NVL: variants seen among roughly 807,000 people sequenced by gnomAD.
NVL encodes the protein nuclear valosin-containing protein-like.
In NVL, 84 loss-of-function variants were observed where a neutral mutation model predicts 110.2. The observed-to-expected ratio is 0.76, with a 90% CI of 0.64 to 0.91. NVL has a LOEUF of 0.91. NVL is among the 40% of genes least tolerant of loss of function. The pLI is 0.00. For missense variants in NVL, 882 were observed against 1,035.9 expected (o/e 0.85, Z 2.04); for synonymous variants, 354 against 361.1 (o/e 0.98, Z 0.22).
intron 18 of NVL, among the ~76,000 whole-genome samples, chr1:224,258,979 T>TAAAAAAAA (rs34767555): frequency 1.7e-5 from 1 of 60,210 alleles, no homozygotes; most frequent in Non-Finnish European, 3.2e-5. Context: ...GTCTCTACAT[T>TAAAAAAAA]AAAAAAAAAA....
At position 224,317,766 on chromosome 1, in the gene NVL, T is replaced by C. The variant is rs748317809; in HGVS notation, c.212A>G (p.Glu71Gly). Residue 71 changes from glutamate (E) to glycine (G), a missense_variant, in exon 4 of 23, where the codon GAA (glutamate) becomes GGA (glycine). Around this residue, in one of 4 missense-constraint regions of NVL, gnomAD observed 274 missense variants for 268.4 expected, o/e 1.02. Transcript: ENST00000281701. ...TTCTAATTCTGTTAAATTCTTAAGT[T>C]CCTTCTCACTACTAATTATGCTAAA... is the stretch of plus-strand genomic sequence containing the variant. ...KVFSIISSEK[E>G]LKNLTELEDE... The C allele has an allele frequency of 3.4e-5, 55 of 1,606,616 alleles. No individual in the cohort carries two copies. Among genetic ancestry groups the C allele is most frequent in the Non-Finnish European group, 4.1e-5 (48 of 1,173,666 alleles).
At chr1:224,315,771 G>A (rs1670003001) in intron 4 of NVL, among the ~76,000 whole-genome samples, 1 of 152,198 alleles carries the variant, frequency 6.6e-6, no homozygotes, top group Non-Finnish European at 1.5e-5. Context: ...CCTGGCTTTA[G>A]GCAACCATTG....
chr1:224,255,055 A>G (rs2102775729), intron 18 of NVL, among the ~76,000 whole-genome samples: 1 of 150,928 alleles, frequency 6.6e-6, no homozygotes, highest in East Asian at 2.0e-4. Flanking sequence ...TATTTTTGGT[A>G]GAGACGGGAT....
rs1668299433 is a variant in NVL, at chr1:224,300,559, C to G, written c.1062+3G>C. ...ACCTGGCATTAGTCATTAACTGACT[C>G]ACCACAGCTTGCTCAAATAGTTCTC... On this transcript the variant is annotated splice_donor_region_variant and intron_variant, in intron 10 of 22. Transcript: ENST00000281701. 6.2e-7 allele frequency: 1 copy of G among 1,610,850 alleles called. No homozygotes were observed. The highest frequency in any genetic ancestry group is 1.7e-5 in the Admixed American group (1 of 59,916).
At chr1:224,327,213 C>T (rs952734179) in intron 1 of NVL, among the ~76,000 whole-genome samples, 20 of 151,954 alleles carry the variant, frequency 1.3e-4, no homozygotes, top group East Asian at 3.9e-4. Context: ...GAGGCCAAGG[C>T]GGGAGGATTG....
intron 16 of NVL, among the ~76,000 whole-genome samples, chr1:224,276,290 C>G (rs1665750743): frequency 6.6e-6 from 1 of 152,100 alleles, no homozygotes; most frequent in Admixed American, 6.6e-5. Flanking sequence ...GACAGGAGTG[C>G]AGTGGAGCCA....
chr1:224,258,039 T>TAA (rs970181279), intron 18 of NVL, among the ~76,000 whole-genome samples: 1 of 152,120 alleles, frequency 6.6e-6, no homozygotes, highest in Non-Finnish European at 1.5e-5. Flanking sequence ...TTGCAAGCGG[T>TAA]AAAAGACAAA....
At chr1:224,228,356 A>G (rs761621120) in intron 22 of NVL, among the ~76,000 whole-genome samples, 7 of 151,964 alleles carry the variant, frequency 4.6e-5, no homozygotes, top group Non-Finnish European at 8.8e-5. Context: ...CCAGGCTGGA[A>G]TGCAGCGGTG....
At chr1:224,278,010 C>G (rs906671702) in intron 16 of NVL, among the ~76,000 whole-genome samples, 2 of 152,086 alleles carry the variant, frequency 1.3e-5, no homozygotes, top group Non-Finnish European at 2.9e-5. Flanking sequence ...TGTAACTGTT[C>G]TTTTACTTAA....
chr1:224,265,766 A>C (rs1439213331), intron 18 of NVL, among the ~76,000 whole-genome samples: 1 of 151,962 alleles, frequency 6.6e-6, no homozygotes, highest in Non-Finnish European at 1.5e-5. Context: ...ACAGGAGTGG[A>C]CTCTTGATAA....
chr1:224,267,708 T>G (rs1041694508), intron 18 of NVL, among the ~76,000 whole-genome samples: 53 of 144,258 alleles, frequency 3.7e-4, no homozygotes, highest in African/African-American at 1.3e-3. Flanking sequence ...AAAAAAAAAG[T>G]GTATGCTGCA....
chr1:224,305,917 T>G (rs1572018872), intron 6 of NVL, among the ~76,000 whole-genome samples: 1 of 152,258 alleles, frequency 6.6e-6, no homozygotes, highest in Admixed American at 6.5e-5. Flanking sequence ...GTTGGAATAA[T>G]CTGCCTTGTA....
intron 17 of NVL, among the ~76,000 whole-genome samples, chr1:224,269,386 G>A (rs902479710): frequency 6.6e-6 from 1 of 152,052 alleles, no homozygotes; most frequent in Non-Finnish European, 1.5e-5. Context: ...GCACCTGGAC[G>A]ACACTAATGT....
chr1:224,328,983 G>A (rs572866200), intron 1 of NVL, among the ~76,000 whole-genome samples: 17 of 152,056 alleles, frequency 1.1e-4, no homozygotes, highest in African/African-American at 4.1e-4. Context: ...AGGCCCGATC[G>A]CTTGAGCCCA....
At position 224,236,593 on chromosome 1, in the gene NVL, G is replaced by T; in HGVS notation, c.2290-11C>A. 6.2e-7 allele frequency: 1 copy of T among 1,607,904 alleles called. No homozygotes were observed. ...TGGTTTGGTACCATTCTAAGTAAGA[G>T]AGAAAAATGATTTTTCATTGGAGCT... On this transcript the variant is annotated splice_polypyrimidine_tract_variant and intron_variant, in intron 19 of 22. Coordinates refer to ENST00000281701, the MANE Select transcript of NVL (RefSeq NM_002533.4).
rs1668646879 is a variant in NVL at position 224,303,792 on chromosome 1, G to A, written c.891C>T (p.Pro297=). 2 of 1,613,552 alleles carry A rather than the reference G, an allele frequency of 1.2e-6. No homozygotes were observed. The highest frequency in any genetic ancestry group is 1.7e-6 in the Non-Finnish European group (2 of 1,179,720). ...PEVYHHLGVV[P]PRGVLLHGPP... is the part of the protein sequence containing the mutation. ...GTCCATGAAGGAGAACTCCACGAGG[G>A]GGCACGACGCCCAGGTGGTGGTACA... The change falls in exon 9 of 23, where the codon CCC becomes CCT. Residue 297 remains proline (P), a synonymous_variant. Transcript: ENST00000281701.
Position 224,300,679 on chromosome 1 carries a change from AAAG to A in NVL, c.961-19_961-17del. 1.3e-6 allele frequency: 2 copies of A among 1,586,734 alleles called. No individual in the cohort carries two copies. Among genetic ancestry groups the A allele is most frequent in the Non-Finnish European group, 1.7e-6 (2 of 1,158,992 alleles). Reference sequence around the variant, plus strand: ...GGTCAAGTTCCTATGCAGACACATAAAAGAATAACCAAATATTCAAATTTTAAT... The same window carrying A: ...GGTCAAGTTCCTATGCAGACACATAAAATAACCAAATATTCAAATTTTAAT... On this transcript the variant is annotated splice_polypyrimidine_tract_variant and intron_variant, in intron 9 of 22. Transcript: ENST00000281701.
At chr1:224,283,812 T>C (rs959412518) in intron 15 of NVL, among the ~76,000 whole-genome samples, 1 of 152,196 alleles carries the variant, frequency 6.6e-6, no homozygotes, top group Non-Finnish European at 1.5e-5. Flanking sequence ...TCAATGACTG[T>C]GTTGTTCTCT....
Position 224,317,886 on chromosome 1 carries a change from A to T in NVL, c.176T>A (p.Val59Glu), listed in dbSNP as rs766874055. 6.3e-7 allele frequency: 1 copy of T among 1,596,916 alleles called. No individual in the cohort carries two copies. Among genetic ancestry groups the T allele is most frequent in the Non-Finnish European group, 8.6e-7 (1 of 1,166,758 alleles). ...CTAACAATAAGACTCACCTTTTTCTACCTGAATCCTAAAAGCATTTCTTTT... is the reference window on the plus strand; with the variant it reads ...CTAACAATAAGACTCACCTTTTTCTTCCTGAATCCTAAAAGCATTTCTTTT... The part of the protein sequence containing the change: ...RRKRNAFRIQ[V>E]EKVFSIISSE... Residue 59 changes from valine (V) to glutamate (E), a missense_variant, in exon 3 of 23, where the codon GTA becomes GAA. Physicochemically the swap from Val to Glu is moderately radical, Grantham distance 121 (BLOSUM62 -2). Transcript: ENST00000281701.
Sources: allele counts gnomAD v4.1 joint callset (sites outside exome capture counted in the v4.1 genomes callset), GRCh38; gene constraint gnomAD v4.1.1; regional missense constraint gnomAD v4.1.1; transcripts MANE v1.5; gene names NCBI Gene and HGNC (gene_info 2026-07-23, HGNC 2026-07-21).